Variants in MEGF6 observed in about 807,000 individuals in gnomAD.
MEGF6 encodes multiple epidermal growth factor-like domains protein 6.
In MEGF6, 184 loss-of-function variants were observed where a neutral mutation model predicts 207.1. The ratio of observed to expected loss-of-function variants is 0.89; its 90% CI spans 0.79 to 1.00. The LOEUF (loss-of-function observed/expected upper bound fraction) is 1.00. Among genes scored for constraint, MEGF6 ranks in the 50% least tolerant of loss-of-function variants. MEGF6 has a pLI of 0.00. For missense variants in MEGF6, 2,282 were observed against 2,202.9 expected, an observed-to-expected ratio of 1.04 and a Z score of -0.72; for synonymous variants, 1,038 against 910.0, an observed-to-expected ratio of 1.14 and a Z score of -2.53.
Position 3,490,437 on chromosome 1 carries a change from G to A in MEGF6, c.*91C>T. On this transcript the variant is annotated 3_prime_UTR_variant, in exon 37 of 37. Coordinates refer to ENST00000356575, the MANE Select transcript of MEGF6 (RefSeq NM_001409.4). ...AAGGAAGGGCAGTACCAGGAGCTCT[G>A]GGCCCGTGAAGTGTCCTTCTCAGTG... 2 of 1,404,646 alleles carry A rather than the reference G, an allele frequency of 1.4e-6. No homozygotes were observed. Among genetic ancestry groups the A allele is most frequent in the South Asian group, 2.4e-5 (2 of 83,772 alleles). 87.0% of individuals were successfully genotyped at this position (1,404,646 alleles called of 1,614,324 possible).
intron 1 of MEGF6, among the ~76,000 whole-genome samples, chr1:3,605,449 TACAC>T (rs1160205833): frequency 2.0e-5 from 3 of 151,420 alleles, no homozygotes; most frequent in Non-Finnish European, 2.9e-5. Flanking sequence ...CACACCCTCA[TACAC>T]ACATATGCTT....
chr1:3,581,863 G>A (rs946457176), intron 3 of MEGF6, among the ~76,000 whole-genome samples: 6 of 152,188 alleles, frequency 3.9e-5, no homozygotes, highest in African/African-American at 1.4e-4. Flanking sequence ...CCTGTTCTCA[G>A]GGCCCCTCTC....
chr1:3,587,470 A>C (rs917389063), intron 3 of MEGF6, among the ~76,000 whole-genome samples: 2 of 152,218 alleles, frequency 1.3e-5, no homozygotes, highest in African/African-American at 2.4e-5. Flanking sequence ...GAAATGTTTA[A>C]CCTATAGCAT....
At chr1:3,523,974 G>A (rs1173980214) in intron 5 of MEGF6, 150 bp downstream of exon 5, 7 of 900,992 alleles carry the variant, frequency 7.8e-6, no homozygotes, top group Non-Finnish European at 1.1e-5. Flanking sequence ...GGATTCCATA[G>A]AGCCATGCTC....
intron 3 of MEGF6, among the ~76,000 whole-genome samples, chr1:3,585,591 C>A (rs1643882123): frequency 8.0e-6 from 1 of 124,618 alleles, no homozygotes; most frequent in African/African-American, 3.2e-5. Flanking sequence ...TGTGTGTGGA[C>A]ACGTCCTGTG....
In MEGF6 at chr1:3,490,505, C is replaced by T. The variant is rs1044024970; in HGVS notation, c.*23G>A. ...TCCCCTCTGGCTGGGACTGGAGAGGCGGGCTCCACGGGACTGCCTCTACTA... is the reference window on the plus strand; with the variant it reads ...TCCCCTCTGGCTGGGACTGGAGAGGTGGGCTCCACGGGACTGCCTCTACTA... On this transcript the variant is annotated 3_prime_UTR_variant, in exon 37 of 37. Transcript: ENST00000356575. 32 of 1,611,532 alleles carry T rather than the reference C, an allele frequency of 2.0e-5. 1 individual carries two copies. The highest frequency in any genetic ancestry group is 2.5e-5 in the Non-Finnish European group (29 of 1,179,326).
At position 3,494,709 on chromosome 1, in the gene MEGF6, C is replaced by G; in HGVS notation, c.3904G>C (p.Glu1302Gln). 6.3e-7 allele frequency: 1 copy of G among 1,587,640 alleles called. No individual in the cohort carries two copies. Among genetic ancestry groups the G allele is most frequent in the Non-Finnish European group, 8.6e-7 (1 of 1,168,536 alleles). The change falls in exon 31 of 37, where the codon GAG (glutamate) becomes CAG (glutamine). Residue 1302 changes from glutamate (E) to glutamine (Q), a missense_variant. Coordinates refer to ENST00000356575, the MANE Select transcript of MEGF6 (RefSeq NM_001409.4). ...CPQNRFGVGC[E>Q]HTCSCRNGGL... ...CCATTTCTGCAGGAGCAGGTGTGCT[C>G]GCAGCCCACGCCAAACCGGTTCTGG...
At chr1:3,614,373 A>G (rs893124047), upstream of MEGF6, among the ~76,000 whole-genome samples, 1 of 152,234 alleles carries the variant, frequency 6.6e-6, no homozygotes, top group Non-Finnish European at 1.5e-5. Flanking sequence ...CCTAGACTTG[A>G]TACATGAAAA....
chr1:3,493,454 C>A (rs941555128), intron 34 of MEGF6: 2 of 438,436 alleles, frequency 4.6e-6, no homozygotes, highest in Admixed American at 4.0e-5. Context: ...CCCTTGATGT[C>A]CCCCAGTCCA....
chr1:3,605,067 C>T (rs536179731), intron 1 of MEGF6, among the ~76,000 whole-genome samples: 10 of 151,426 alleles, frequency 6.6e-5, no homozygotes, highest in African/African-American at 2.0e-4. Context: ...CACCCTCACA[C>T]TCACACTCTC....
At chr1:3,572,212 GA>G (rs1643520719) in intron 4 of MEGF6, among the ~76,000 whole-genome samples, 2 of 139,830 alleles carry the variant, frequency 1.4e-5, no homozygotes, top group Non-Finnish European at 3.1e-5. Flanking sequence ...GGTCCTTCCT[GA>G]GTGTGCTAGG....
chr1:3,608,805 T>G (rs1644287724), intron 1 of MEGF6, among the ~76,000 whole-genome samples: 1 of 152,162 alleles, frequency 6.6e-6, no homozygotes, highest in Admixed American at 6.5e-5. Context: ...CTAGGCCTCC[T>G]GCATGAGGCC....
chr1:3,619,954 A>T, the MEGF6 span, among the ~76,000 whole-genome samples: 3 of 152,234 alleles, frequency 2.0e-5, no homozygotes, highest in Non-Finnish European at 4.4e-5. Flanking sequence ...CGAAATGCTG[A>T]TAGTGATACG....
rs1178520423 is a variant in MEGF6 at position 3,560,372 on chromosome 1, G to C, written c.481+19453C>G. ...AGGGGCTGTGCATTCCATGGACTTG[G>C]ACAAGTGTCTCATGGCCTGGATCCA... On this transcript the variant is annotated intron_variant, in intron 4 of 36. Transcript: ENST00000356575. This position sits in a 1 kb window ranked among gnomAD's most constrained non-coding sequence, Gnocchi z 4.0. 6.6e-6 allele frequency among the ~76,000 whole-genome samples: 1 copy of C among 152,138 alleles called. No homozygotes were observed. Among genetic ancestry groups the C allele is most frequent in the African/African-American group, 2.4e-5 (1 of 41,426 alleles).
intron 14 of MEGF6, 124 bp from the exon 15 acceptor site, chr1:3,506,360 G>A (rs946129490): frequency 2.7e-5 from 33 of 1,244,354 alleles, no homozygotes; most frequent in Middle Eastern, 5.6e-4. Context: ...GCCCCCGCCA[G>A]GGCACTAGGT....
chr1:3,494,160 C>A (rs781254925), intron 32 of MEGF6, 36 bp from the exon 33 acceptor site: 180 of 1,527,510 alleles, frequency 1.2e-4, no homozygotes, highest in East Asian at 3.2e-4. Flanking sequence ...CAAGGGCACA[C>A]GGTGGCAGAA....
chr1:3,565,839 T>A lies in MEGF6; in HGVS notation c.481+13986A>T, dbSNP rs1233064413. Among the ~76,000 whole-genome samples the A allele has an allele frequency of 1.3e-5, 2 of 152,118 alleles. No individual in the cohort carries two copies. The highest frequency in any genetic ancestry group is 4.8e-5 in the African/African-American group (2 of 41,418). On this transcript the variant is annotated intron_variant, in intron 4 of 36. Coordinates refer to ENST00000356575, the MANE Select transcript of MEGF6 (RefSeq NM_001409.4). This position sits in a 1 kb window ranked among gnomAD's most constrained non-coding sequence, Gnocchi z 4.8. ...AACTCTGCTCCAGCCACGCTCGGCA[T>A]TCCGTCCAGGGCAGGCACTGTGGAC...
At chr1:3,553,789 C>T (rs1642957060) in intron 4 of MEGF6, among the ~76,000 whole-genome samples, 5 of 152,134 alleles carry the variant, frequency 3.3e-5, no homozygotes, top group Admixed American at 3.3e-4. Context: ...GGGGGCCCTG[C>T]ACTGGAAAGT....
rs772690736 is a variant in MEGF6 at position 3,501,135 on chromosome 1, T to C, written c.2447-41A>G. ...AGAGGGTGAGTGGGGCCTGGCCACC[T>C]ACCCCAGGTCAAAGGCTCAGGGGCA... On this transcript the variant is annotated intron_variant, in intron 19 of 36. Transcript: ENST00000356575. The C allele has an allele frequency of 1.1e-5, 17 of 1,612,450 alleles. No individual in the cohort carries two copies. In the Admixed American group the frequency reaches 1.8e-4, roughly 17 times the overall value.
Sources: allele counts gnomAD v4.1 joint callset (sites outside exome capture counted in the v4.1 genomes callset), GRCh38; gene constraint gnomAD v4.1.1; non-coding constraint Gnocchi (gnomAD v3.1); transcripts MANE v1.5; gene names NCBI Gene and HGNC (gene_info 2026-07-23, HGNC 2026-07-21).